The following FANCC variants were observed in gnomAD, a reference collection of about 807,000 sequenced individuals.
FANCC encodes the protein FA complementation group C, also known as Fanconi anemia group C protein.
A neutral mutation model predicts 71.3 loss-of-function variants in FANCC; 55 were observed. That is an observed-to-expected ratio of 0.77 (90% confidence interval 0.62 to 0.97). The LOEUF (loss-of-function observed/expected upper bound fraction) is 0.97. FANCC is among the 50% of genes least tolerant of loss of function. The probability of loss-of-function intolerance (pLI) is 0.00; values close to 1 mark genes in which losing one functional copy is unlikely to be tolerated. For missense variants in FANCC, 678 were observed against 670.9 expected (o/e 1.01, Z -0.12); for synonymous variants, 275 against 244.9 (o/e 1.12, Z -1.15).
intron 4 of FANCC, among the ~76,000 whole-genome samples, chr9:95,231,705 G>A (rs1243951604): frequency 1.3e-5 from 2 of 152,294 alleles, no homozygotes; most frequent in East Asian, 1.9e-4. Context: ...AACAGAGTTC[G>A]TGATTAACCT....
intron 1 of FANCC, among the ~76,000 whole-genome samples, chr9:95,279,413 G>A (rs1833242750): frequency 6.6e-6 from 1 of 150,514 alleles, no homozygotes; most frequent in Non-Finnish European, 1.5e-5. Flanking sequence ...GCAAAGGAAG[G>A]AGAATCACTT....
chr9:95,141,742 T>A (rs1238041955), intron 7 of FANCC, among the ~76,000 whole-genome samples: 1 of 152,120 alleles, frequency 6.6e-6, no homozygotes, highest in Non-Finnish European at 1.5e-5. Context: ...TACTAATACA[T>A]AAGTTAGTCA....
rs1241474777 is a variant in FANCC at position 95,184,772 on chromosome 9, A to C, written c.346-12625T>G. Reference sequence around the variant, plus strand: ...ATTATAGAAATAAACAGGCAGCATCATTCTGTTTATATAAAGTTCAAAAGC... The same window carrying C: ...ATTATAGAAATAAACAGGCAGCATCCTTCTGTTTATATAAAGTTCAAAAGC... On this transcript the variant is annotated intron_variant, in intron 4 of 14. Coordinates refer to ENST00000289081, the MANE Select transcript of FANCC (RefSeq NM_000136.3). 4.6e-4 allele frequency among the ~76,000 whole-genome samples: 70 copies of C among 152,264 alleles called. 1 individual carries two copies. Among genetic ancestry groups the C allele is most frequent in the Non-Finnish European group, 2.9e-5 (2 of 68,048 alleles).
chr9:95,161,595 G>A (rs1380309903), intron 6 of FANCC, among the ~76,000 whole-genome samples: 1 of 152,114 alleles, frequency 6.6e-6, no homozygotes, highest in Non-Finnish European at 1.5e-5. Flanking sequence ...TCCTGAAAAT[G>A]CACAGAAAAG....
intron 11 of FANCC, among the ~76,000 whole-genome samples, chr9:95,115,109 T>C (rs1411481096): frequency 6.6e-6 from 1 of 152,176 alleles, no homozygotes; most frequent in Non-Finnish European, 1.5e-5. Flanking sequence ...CCCAGCTATT[T>C]TTAAAATTTT....
chr9:95,137,139 G>T (rs1035949949), intron 7 of FANCC, among the ~76,000 whole-genome samples: 1 of 152,232 alleles, frequency 6.6e-6, no homozygotes, highest in Non-Finnish European at 1.5e-5. Flanking sequence ...CCCCTTCAAG[G>T]CCTGTCCCTT....
chr9:95,099,653 A>C lies in FANCC; in HGVS notation c.*2054T>G, dbSNP rs934196440. The C allele has an allele frequency of 4.3e-6, 1 of 231,630 alleles. No homozygotes were observed. The highest frequency in any genetic ancestry group is 2.2e-5 in the African/African-American group (1 of 45,176). 14.3% of individuals were successfully genotyped at this position (231,630 alleles called of 1,614,324 possible). On this transcript the variant is annotated 3_prime_UTR_variant, in exon 15 of 15. Coordinates refer to ENST00000289081, the MANE Select transcript of FANCC (RefSeq NM_000136.3). ...AAAGGGCAAAGGGCCACATGAAGCC[A>C]GCAGGCACTTCAGTGCCACGTCCCC...
At chr9:95,273,694 C>T (rs868614436) in intron 1 of FANCC, among the ~76,000 whole-genome samples, 1 of 152,204 alleles carries the variant, frequency 6.6e-6, no homozygotes, top group Non-Finnish European at 1.5e-5. Flanking sequence ...AGCCCAAGAA[C>T]TAACCATTAT....
At chr9:95,146,482 C>A in intron 7 of FANCC, among the ~76,000 whole-genome samples, 1 of 25,462 alleles carries the variant, frequency 3.9e-5, no homozygotes. Context: ...AGTGAGACCC[C>A]ATCTCAAAAA....
intron 8 of FANCC, among the ~76,000 whole-genome samples, chr9:95,130,189 A>G (rs1235185890): frequency 6.6e-6 from 1 of 152,152 alleles, no homozygotes; most frequent in African/African-American, 2.4e-5. Context: ...CTCACCAATG[A>G]TTATTACAAG....
intron 1 of FANCC, chr9:95,294,199 G>A (rs1236954986): frequency 1.3e-6 from 2 of 1,598,576 alleles, no homozygotes; most frequent in Non-Finnish European, 1.7e-6. Flanking sequence ...TCCTGGACCT[G>A]ACACCCAGCT....
rs564942529 is a variant in FANCC, at chr9:95,197,311, A to G, written c.346-25164T>C. Among the ~76,000 whole-genome samples, 4 of 152,282 alleles carry G rather than the reference A, an allele frequency of 2.6e-5. No homozygotes were observed. The East Asian group carries it at 5.8e-4, about 22-fold the overall frequency. On this transcript the variant is annotated intron_variant, in intron 4 of 14. Transcript: ENST00000289081. The stretch of plus-strand genomic sequence containing the variant: ...CAGCACCTTGAGAGGCCGAGGTAGG[A>G]GGACTGTTTGAGCCCAGAAGTTCCA...
intron 4 of FANCC, among the ~76,000 whole-genome samples, chr9:95,181,711 T>C (rs529857184): frequency 6.6e-6 from 1 of 152,212 alleles, no homozygotes; most frequent in Non-Finnish European, 1.5e-5. Context: ...TGACCACTGA[T>C]ATAAAATCTT....
intron 1 of FANCC, among the ~76,000 whole-genome samples, chr9:95,260,785 T>C (rs1039227576): frequency 3.3e-5 from 5 of 151,886 alleles, no homozygotes; most frequent in Non-Finnish European, 5.9e-5. Context: ...TAAATGTGAA[T>C]AAAGATGGAC....
rs867319477 is a variant in FANCC at position 95,101,756 on chromosome 9, G to T, written c.1628C>A (p.Ser543Ter). 1.7e-5 allele frequency: 27 copies of T among 1,614,144 alleles called. No individual in the cohort carries two copies. The highest frequency in any genetic ancestry group is 2.3e-5 in the Non-Finnish European group (27 of 1,180,024). Residue 543 changes from serine to a stop codon, truncating the protein, a stop_gained, in exon 15 of 15, where the codon TCA becomes TAA. Coordinates refer to ENST00000289081, the MANE Select transcript of FANCC (RefSeq NM_000136.3). LOFTEE classifies it high-confidence loss of function. ...AAGGAGCTCTCGGGCCAGTTTTTCT[G>T]ATCTAGGGCTTTCAATGCCAAGACG... ...WNRLGIESPRSEKLARELLKE... is the reference protein window; with the variant it reads ...WNRLGIESPR
chr9:95,259,352 C>T (rs1240600358), intron 1 of FANCC, among the ~76,000 whole-genome samples: 1 of 152,080 alleles, frequency 6.6e-6, no homozygotes, highest in Non-Finnish European at 1.5e-5. Flanking sequence ...GAGATATAGG[C>T]CAATGGAACA....
At chr9:95,109,236 T>C (rs1022349040) in intron 13 of FANCC, among the ~76,000 whole-genome samples, 1 of 152,216 alleles carries the variant, frequency 6.6e-6, no homozygotes, top group African/African-American at 2.4e-5. Flanking sequence ...TCATGGTATG[T>C]AACAGAATGC....
intron 1 of FANCC, among the ~76,000 whole-genome samples, chr9:95,284,034 G>C (rs1296865248): frequency 1.3e-5 from 2 of 152,194 alleles, no homozygotes; most frequent in East Asian, 3.8e-4. Flanking sequence ...AATTGTGCCT[G>C]GCACATTTTA....
At chr9:95,205,504 G>A (rs556872645) in intron 4 of FANCC, among the ~76,000 whole-genome samples, 17 of 151,654 alleles carry the variant, frequency 1.1e-4, no homozygotes, top group Admixed American at 5.9e-4. Context: ...AGAAAGGTGC[G>A]CATCTGTAAT....
Sources: allele counts gnomAD v4.1 joint callset (sites outside exome capture counted in the v4.1 genomes callset), GRCh38; gene constraint gnomAD v4.1.1; transcripts MANE v1.5; gene names NCBI Gene and HGNC (gene_info 2026-07-23, HGNC 2026-07-21).